Variants in USP16 observed in about 807,000 individuals in gnomAD.
USP16 encodes ubiquitin specific peptidase 16.
In USP16, 77 loss-of-function variants were observed where a neutral mutation model predicts 95.9. The observed-to-expected ratio is 0.80, with a 90% CI of 0.67 to 0.97. The LOEUF is 0.97. USP16 is among the 50% of genes least tolerant of loss of function. USP16 has a pLI of 0.00. For synonymous variants in USP16, 303 were observed against 318.2 expected, an observed-to-expected ratio of 0.95 and a Z score of 0.51; for missense variants, 943 against 959.9, an observed-to-expected ratio of 0.98 and a Z score of 0.23.
At chr21:29,026,455 CAAAAA>C (rs542051832) in intron 1 of USP16, 3 of 82,240 alleles carry the variant, frequency 3.6e-5, no homozygotes, top group Non-Finnish European at 4.6e-5. Flanking sequence ...GACTCCGTCT[CAAAAA>C]AAAAAAAAAA....
chr21:29,053,869 T>C lies in USP16; in HGVS notation c.2261T>C (p.Met754Thr). Reference sequence around the variant, plus strand: ...GGAGTTGTTGAACACAGTGGTACTATGAGGTCGGGGCATTACACTGCCTAT... The same window carrying C: ...GGAGTTGTTGAACACAGTGGTACTACGAGGTCGGGGCATTACACTGCCTAT... ...LYGVVEHSGT[M>T]RSGHYTAYAK... The change falls in exon 17 of 18, where the codon ATG becomes ACG. Residue 754 changes from methionine (M) to threonine (T), a missense_variant. Physicochemically the swap from Met to Thr is moderately conservative, Grantham distance 81 (BLOSUM62 -1). Transcript: ENST00000399976. The C allele has an allele frequency of 6.2e-7, 1 of 1,614,222 alleles. No individual in the cohort carries two copies. The highest frequency in any genetic ancestry group is 8.5e-7 in the Non-Finnish European group (1 of 1,180,020).
At chr21:29,049,360 C>A (rs2085379235) in intron 15 of USP16, among the ~76,000 whole-genome samples, 1 of 152,118 alleles carries the variant, frequency 6.6e-6, no homozygotes, top group African/African-American at 2.4e-5. Context: ...CGTTTTGCCT[C>A]TTGTGGTTGG....
At chr21:29,046,620 G>C (rs772451518) in intron 13 of USP16, 47 bp from the exon 14 acceptor site, 27 of 1,529,486 alleles carry the variant, frequency 1.8e-5, no homozygotes, top group Non-Finnish European at 2.1e-5. Context: ...CTTTTCTCCC[G>C]CTCTTTCTTT....
Position 29,053,831 on chromosome 21 carries a change from C to G in USP16, c.2223C>G (p.Leu741=). The stretch of plus-strand genomic sequence containing the variant: ...TTGCAGAAGAAAATACAAGGGTACT[C>G]TATTCCTTATATGGAGTTGTTGAAC... ...KNVAEENTRV[L]YSLYGVVEHS... is the part of the protein sequence containing the mutation. Residue 741 remains leucine (L), a synonymous_variant, in exon 17 of 18, where the codon CTC becomes CTG. Coordinates refer to ENST00000399976, the MANE Select transcript of USP16 (RefSeq NM_006447.3). The G allele has an allele frequency of 6.2e-7, 1 of 1,613,726 alleles. No individual in the cohort carries two copies. The highest frequency in any genetic ancestry group is 8.5e-7 in the Non-Finnish European group (1 of 1,179,894).
intron 6 of USP16, 134 bp downstream of exon 6, chr21:29,037,597 T>C (rs2085179524): frequency 1.2e-6 from 1 of 802,870 alleles, no homozygotes; most frequent in Non-Finnish European, 1.8e-6. Context: ...TTTTTTTTTT[T>C]TTTTTTTGAG....
intron 12 of USP16, chr21:29,042,925 A>AGATGTTAT (rs1177318876): frequency 3.7e-5 from 6 of 161,556 alleles, no homozygotes; most frequent in African/African-American, 7.2e-5. Flanking sequence ...AAAAAAGAAG[A>AGATGTTAT]GATGTTATGA....
chr21:29,033,457 A>G (rs1343147429), intron 3 of USP16, among the ~76,000 whole-genome samples: 2 of 152,234 alleles, frequency 1.3e-5, no homozygotes, highest in East Asian at 1.9e-4. Context: ...TGGAAACACG[A>G]CCGGTTGTTG....
rs771377468 is a variant in USP16 at position 29,047,020 on chromosome 21, G to A, written c.1710G>A (p.Val570=). The change falls in exon 14 of 18, where the codon GTG becomes GTA. Residue 570 remains valine, a synonymous_variant. Transcript: ENST00000399976. ...TAACGGAAGGGAGCAATGGAGAAGT[G>A]GACATTTCCAATGGTTTCAAAAACC... is the stretch of plus-strand genomic sequence containing the variant. ...AYLTEGSNGE[V]DISNGFKNLN... is the part of the protein sequence containing the mutation. 6.2e-7 allele frequency: 1 copy of A among 1,614,050 alleles called. No individual in the cohort carries two copies. Among genetic ancestry groups the A allele is most frequent in the Non-Finnish European group, 8.5e-7 (1 of 1,180,026 alleles).
rs745516667 is a variant in USP16, at chr21:29,039,569, G to A, written c.951+1G>A. ...TGGGATGAGAGCAGAAGAACACCAA[G>A]TTAGCATGTTATGACCATTGTATTT... On this transcript the variant is annotated splice_donor_variant, in intron 9 of 17. Transcript: ENST00000399976. LOFTEE classifies it high-confidence loss of function. 2 of 1,611,806 alleles carry A rather than the reference G, an allele frequency of 1.2e-6. No homozygotes were observed. Among genetic ancestry groups the A allele is most frequent in the Non-Finnish European group, 1.7e-6 (2 of 1,178,494 alleles).
chr21:29,034,004 G>A (rs59988733), intron 3 of USP16, among the ~76,000 whole-genome samples: 3,724 of 152,296 alleles, frequency 0.024, 156 homozygotes, highest in African/African-American at 0.084. Context: ...TTAGCTGGTC[G>A]TTGGTATGTG....
chr21:29,027,541 A>G (rs988540863), intron 1 of USP16, among the ~76,000 whole-genome samples: 2 of 152,240 alleles, frequency 1.3e-5, no homozygotes, highest in African/African-American at 4.8e-5. Flanking sequence ...TTTCACATGT[A>G]TGTAGTGAGG....
chr21:29,032,035 A>G (rs2085084613), intron 3 of USP16, among the ~76,000 whole-genome samples: 1 of 151,910 alleles, frequency 6.6e-6, no homozygotes. Flanking sequence ...TCACCACCAC[A>G]GTCACGATAC....
In USP16 at chr21:29,037,507, T is replaced by G. The variant is rs367734433; in HGVS notation, c.636+44T>G. The G allele has an allele frequency of 2.1e-6, 3 of 1,412,056 alleles. No individual in the cohort carries two copies. In the African/African-American group the frequency reaches 4.4e-5, roughly 21 times the overall value. The allele number at this position is 1,412,056 out of a possible 1,614,324, so 87.5% of individuals were successfully genotyped here. A position where few individuals can be genotyped will look rare whatever the true frequency, so the allele number is the denominator to read the frequency against. ...CCCTTTAAAAAAGCTGTCCTTTTCC[T>G]CATAGAATCTGCTACTTACATTATT... On this transcript the variant is annotated intron_variant, in intron 6 of 17. Transcript: ENST00000399976.
In USP16 at chr21:29,053,752, CTG is replaced by C. The variant is rs1199330536; in HGVS notation, c.2194-46_2194-45del. 1.9e-6 allele frequency: 3 copies of C among 1,577,232 alleles called. No homozygotes were observed. The East Asian group carries it at 6.7e-5, about 35-fold the overall frequency. On this transcript the variant is annotated intron_variant, in intron 16 of 17. Coordinates refer to ENST00000399976, the MANE Select transcript of USP16 (RefSeq NM_006447.3). ...TGTAAACTTGTCTTGCCCATGACAT[CTG>C]TGTAAATGGAACTAGAACTAACTTT...
chr21:29,037,049 T>A (rs2085168023), intron 5 of USP16, among the ~76,000 whole-genome samples: 1 of 152,244 alleles, frequency 6.6e-6, no homozygotes, highest in Non-Finnish European at 1.5e-5. Context: ...TTGGTTTCAT[T>A]TATCAAACTA....
At chr21:29,049,500 G>A (rs1035969813) in intron 15 of USP16, among the ~76,000 whole-genome samples, 1 of 152,120 alleles carries the variant, frequency 6.6e-6, no homozygotes, top group African/African-American at 2.4e-5. Flanking sequence ...CAGAACCTGT[G>A]GTCTAATCTG....
At chr21:29,048,701 T>C in intron 14 of USP16, 60 bp from the exon 15 acceptor site, 2 of 1,313,804 alleles carry the variant, frequency 1.5e-6, no homozygotes, top group Non-Finnish European at 2.2e-6. Flanking sequence ...ATAGCAAATC[T>C]GAATGCTTTA....
rs1299823522 is a variant in USP16, at chr21:29,047,118, C to G, written c.1808C>G (p.Thr603Arg). The G allele has an allele frequency of 5.0e-6, 8 of 1,614,032 alleles. No individual in the cohort carries two copies. Among genetic ancestry groups the G allele is most frequent in the Non-Finnish European group, 5.9e-6 (7 of 1,180,008 alleles). The change falls in exon 14 of 18, where the codon ACA (threonine) becomes AGA (arginine). Residue 603 changes from threonine (T) to arginine (R), a missense_variant. Transcript: ENST00000399976. ...EILNDSHTPG[T>R]KVYEVVNEDP... ...CTGAATGATAGTCATACTCCTGGAA[C>G]AAAGGTGTATGAGGTTGTAAATGAA...
At position 29,046,758 on chromosome 21, in the gene USP16, C is replaced by T; in HGVS notation, c.1448C>T (p.Ala483Val). ...IDHPEDSEYE[A>V]EMSLQGEVNI... ...CATCCTGAAGACAGTGAATATGAAG[C>T]TGAAATGTCACTTCAAGGAGAAGTA... Residue 483 changes from alanine (A) to valine (V), a missense_variant, in exon 14 of 18, where the codon GCT becomes GTT. Ala to Val is a moderately conservative substitution (Grantham distance 64). Transcript: ENST00000399976. The T allele has an allele frequency of 6.2e-7, 1 of 1,613,916 alleles. No homozygotes were observed. Among genetic ancestry groups the T allele is most frequent in the Non-Finnish European group, 8.5e-7 (1 of 1,179,946 alleles).
Sources: gnomAD v4.1 joint callset for allele counts (sites outside exome capture counted in the v4.1 genomes callset) on GRCh38, gnomAD v4.1.1 for gene constraint, MANE v1.5 for transcripts, NCBI Gene and HGNC (gene_info 2026-07-23, HGNC 2026-07-21) for gene names.